POU5F1B: variants seen among roughly 807,000 people sequenced by gnomAD.
POU5F1B encodes the protein POU domain, class 5, transcription factor 1B.
POU5F1B carries 24 observed loss-of-function variants against 28.1 expected under a neutral mutation model. The observed-to-expected ratio is 0.85, with a 90% CI of 0.62 to 1.20. POU5F1B has a LOEUF of 1.20. Ranked by LOEUF, POU5F1B falls within the 50% of genes most tolerant of loss-of-function variation. The pLI is 0.00. For synonymous variants in POU5F1B, 220 were observed against 193.2 expected (o/e 1.14, Z -1.15); for missense variants, 451 against 451.5 (o/e 1.00, Z 0.01).
exon 3 of POU5F1B, chr8:127,415,797 G>C: frequency 6.8e-7 from 1 of 1,459,920 alleles, no homozygotes; most frequent in Non-Finnish European, 9.0e-7. Context: ...TACGGTCACA[G>C]AGCTTTCAAT....
At position 127,416,002 on chromosome 8, in the gene POU5F1B, G is replaced by A. The variant is rs983628372; in HGVS notation, c.136G>A (p.Gly46Arg). 8 of 1,594,648 alleles carry A rather than the reference G, an allele frequency of 5.0e-6. No homozygotes were observed. In the Admixed American group the frequency reaches 5.2e-5, roughly 10 times the overall value. Residue 46 changes from glycine to arginine, a missense_variant, in exon 3 of 3, where the codon GGA (glycine) becomes AGA (arginine). By Grantham distance (125) the Gly-to-Arg change is moderately radical. Transcript: ENST00000465342. ...CTTCCAAGGCCCTCCTGGAGGGCCA[G>A]GAATCGGGCCGGGGGTTGGGCCAGG...
chr8:127,416,228 C>T (rs1219300151), exon 3 of POU5F1B: 1 of 1,613,788 alleles, frequency 6.2e-7, no homozygotes, highest in Admixed American at 1.7e-5. Flanking sequence ...CCCCCTGGTG[C>T]CGTGAAGCTG....
intron 1 of POU5F1B, among the ~76,000 whole-genome samples, chr8:127,414,363 T>A (rs938745813): frequency 6.6e-6 from 1 of 152,188 alleles, no homozygotes; most frequent in African/African-American, 2.4e-5. Flanking sequence ...GTGACTTTGG[T>A]GTTCTGACTC....
At chr8:127,414,400 G>A (rs191567569) in intron 1 of POU5F1B, among the ~76,000 whole-genome samples, 2 of 152,244 alleles carry the variant, frequency 1.3e-5, no homozygotes, top group East Asian at 3.9e-4. Flanking sequence ...GGTAGAGAGG[G>A]GAGAAGAGGG....
chr8:127,416,945 G>C (rs756736362), exon 3 of POU5F1B: 1 of 1,600,192 alleles, frequency 6.2e-7, no homozygotes, highest in Non-Finnish European at 8.5e-7. Context: ...CATTCAAACT[G>C]AGGTGCCTGC....
exon 3 of POU5F1B, chr8:127,415,651 G>C (rs1288235942): frequency 1.1e-5 from 8 of 743,588 alleles, no homozygotes; most frequent in Middle Eastern, 4.2e-4. Context: ...ACAAAGTGAA[G>C]ATAATAATTG....
At chr8:127,415,972 C>T (rs1363396454) in exon 3 of POU5F1B, 2 of 1,579,442 alleles carry the variant, frequency 1.3e-6, no homozygotes, top group African/African-American at 2.7e-5. Context: ...TCTGACCTGG[C>T]TAAGCTTCCA....
chr8:127,415,790 G>C, exon 3 of POU5F1B: 1 of 1,455,130 alleles, frequency 6.9e-7, no homozygotes, highest in Non-Finnish European at 9.1e-7. Flanking sequence ...ACAGCCATAC[G>C]GTCACAGAGC....
exon 3 of POU5F1B, chr8:127,416,508 T>C (rs1231153637): frequency 7.5e-6 from 12 of 1,609,106 alleles, no homozygotes; most frequent in Non-Finnish European, 1.0e-5. Context: ...CTGACAACAA[T>C]GAAAATCTTC....
intron 1 of POU5F1B, among the ~76,000 whole-genome samples, chr8:127,413,941 G>A (rs1389019742): frequency 1.3e-5 from 2 of 151,966 alleles, no homozygotes; most frequent in Non-Finnish European, 2.9e-5. Context: ...AGGTCTAAAG[G>A]AACAGAAGTT....
At chr8:127,416,305 G>C (rs1348117042) in exon 3 of POU5F1B, 2 of 1,613,640 alleles carry the variant, frequency 1.2e-6, no homozygotes, top group Non-Finnish European at 1.7e-6. Context: ...GAAAGAACTC[G>C]AGCAATTTGC....
chr8:127,414,070 G>A (rs1280890856), intron 1 of POU5F1B, among the ~76,000 whole-genome samples: 1 of 152,208 alleles, frequency 6.6e-6, no homozygotes, highest in Non-Finnish European at 1.5e-5. Flanking sequence ...TGAGAAAGGG[G>A]ACTTAAGGTT....
chr8:127,415,780 A>T, exon 3 of POU5F1B: 1 of 1,447,730 alleles, frequency 6.9e-7, no homozygotes, highest in Non-Finnish European at 9.1e-7. Context: ...TATGACACAC[A>T]CAGCCATACG....
chr8:127,416,671 G>C, exon 3 of POU5F1B: 1 of 1,605,778 alleles, frequency 6.2e-7, no homozygotes, highest in Non-Finnish European at 8.5e-7. Context: ...GCTTGGGCTC[G>C]AGAAGGATGT....
chr8:127,416,548 C>T lies in POU5F1B; in HGVS notation c.682C>T (p.Gln228Ter), dbSNP rs1289884806. The T allele has an allele frequency of 6.2e-7, 1 of 1,608,088 alleles. No individual in the cohort carries two copies. ...GATATGCAAAGCAGAAACCCTCATG[C>T]AGGCCCGAAAGAGAAAGCGAACCAG... The change falls in exon 3 of 3, where the codon CAG (glutamine) becomes TAG (stop). Residue 228 changes from glutamine (Q) to a stop codon, truncating the protein, a stop_gained. Transcript: ENST00000465342. LOFTEE classifies it high-confidence loss of function.
At chr8:127,416,074 T>C (rs780034679) in exon 3 of POU5F1B, 2 of 1,612,534 alleles carry the variant, frequency 1.2e-6, no homozygotes, top group Admixed American at 1.7e-5. Context: ...GTATGAGTTA[T>C]GTGGGGGGAT....
chr8:127,416,805 G>T, exon 3 of POU5F1B: 3 of 1,604,992 alleles, frequency 1.9e-6, no homozygotes, highest in South Asian at 1.1e-5. Context: ...CCTTTCCTCC[G>T]GCCCCAGGGC....
chr8:127,413,884 CCCGATATAATACAAT>C (rs1815095399), intron 1 of POU5F1B, among the ~76,000 whole-genome samples: 3 of 132,250 alleles, frequency 2.3e-5, no homozygotes, highest in African/African-American at 8.3e-5. Flanking sequence ...ACACACAACA[CCCGATATAATACAAT>C]ATTTTCAAAT....
chr8:127,413,634 C>G (rs749781913), intron 1 of POU5F1B, among the ~76,000 whole-genome samples: 3 of 152,192 alleles, frequency 2.0e-5, no homozygotes, highest in Non-Finnish European at 4.4e-5. Context: ...ACCACAATGC[C>G]ATTGTCTGAA....
Sources: gnomAD v4.1 joint callset for allele counts (sites outside exome capture counted in the v4.1 genomes callset) on GRCh38, gnomAD v4.1.1 for gene constraint, MANE v1.5 for transcripts, NCBI Gene and HGNC (gene_info 2026-07-23, HGNC 2026-07-21) for gene names.